The following SPOCK3 variants were observed in gnomAD, a reference collection of about 807,000 sequenced individuals.
SPOCK3 encodes the protein SPARC (osteonectin), cwcv and kazal like domains proteoglycan 3, also known as testican-3.
SPOCK3 carries 30 observed loss-of-function variants against 56.6 expected under a neutral mutation model. The ratio of observed to expected loss-of-function variants is 0.53; its 90% CI spans 0.40 to 0.72. SPOCK3 has a LOEUF of 0.72. Among genes scored for constraint, SPOCK3 ranks in the 30% least tolerant of loss-of-function variants. The pLI, the probability that SPOCK3 is intolerant of heterozygous loss-of-function variation, is 0.00. For synonymous variants in SPOCK3, 196 were observed against 183.3 expected (o/e 1.07, Z -0.56); for missense variants, 527 against 530.0 (o/e 0.99, Z 0.06).
At chr4:167,112,315 G>GTCATTTTTAGAGTATGCATAGT in intron 2 of SPOCK3, among the ~76,000 whole-genome samples, 1 of 152,186 alleles carries the variant, frequency 6.6e-6, no homozygotes. Context: ...CTTCTAAAAT[G>GTCATTTTTAGAGTATGCATAGT]TTACAAGTAT....
At position 167,085,613 on chromosome 4, in the gene SPOCK3, G is replaced by A. The variant is rs111660326; in HGVS notation, c.190-23076C>T. Among the ~76,000 whole-genome samples, 491 of 152,214 alleles carry A rather than the reference G, an allele frequency of 3.2e-3. 4 individuals carry two copies. The highest frequency in any genetic ancestry group is 0.011 in the African/African-American group (472 of 41,554). ...AATCTAGCGTCATGATGGAAGATGT[G>A]TCATAGCCAAAAGAGAAGAGAATCA... On this transcript the variant is annotated intron_variant, in intron 2 of 10. Coordinates refer to ENST00000357545, the MANE Select transcript of SPOCK3 (RefSeq NM_001040159.2).
chr4:167,189,863 T>C (rs1580563003), intron 2 of SPOCK3, among the ~76,000 whole-genome samples: 2 of 145,914 alleles, frequency 1.4e-5, no homozygotes, highest in African/African-American at 5.2e-5. Context: ...TGTATATAAG[T>C]GATATCCTAC....
intron 3 of SPOCK3, among the ~76,000 whole-genome samples, chr4:167,049,108 CTT>C (rs34903732): frequency 2.8e-5 from 4 of 144,016 alleles, no homozygotes; most frequent in Non-Finnish European, 3.0e-5. Context: ...TTTTCTTTTT[CTT>C]TTTTTTTTTT....
Position 167,003,586 on chromosome 4 carries a change from T to A in SPOCK3, c.236-3123A>T, listed in dbSNP as rs561256564. 9.2e-5 allele frequency among the ~76,000 whole-genome samples: 14 copies of A among 152,320 alleles called. 1 individual carries two copies. In the South Asian group the frequency reaches 2.7e-3, roughly 29 times the overall value. On this transcript the variant is annotated intron_variant, in intron 3 of 10. Transcript: ENST00000357545. The stretch of plus-strand genomic sequence containing the variant: ...AATTCATCATCTCCCTCTGTTGTGT[T>A]CTTCTTTCCGTCTTGTTTTCCATTT...
At chr4:166,789,017 A>T (rs1263732601) in intron 7 of SPOCK3, among the ~76,000 whole-genome samples, 2 of 152,106 alleles carry the variant, frequency 1.3e-5, no homozygotes, top group Non-Finnish European at 2.9e-5. Context: ...GCTATAAATA[A>T]GAGATTGTAA....
At chr4:166,784,352 TTTAG>T (rs1740516248) in intron 7 of SPOCK3, among the ~76,000 whole-genome samples, 1 of 152,136 alleles carries the variant, frequency 6.6e-6, no homozygotes, top group African/African-American at 2.4e-5. Flanking sequence ...ATTACGTTAA[TTTAG>T]CTATATATGA....
chr4:167,028,938 G>A (rs557709206), intron 3 of SPOCK3, among the ~76,000 whole-genome samples: 1 of 152,032 alleles, frequency 6.6e-6, no homozygotes, highest in East Asian at 1.9e-4. Flanking sequence ...CTTATTTTAA[G>A]TTCTGGGGTA....
At chr4:166,742,386 A>C (rs1314499723) in intron 8 of SPOCK3, among the ~76,000 whole-genome samples, 1 of 152,132 alleles carries the variant, frequency 6.6e-6, no homozygotes, top group Non-Finnish European at 1.5e-5. Context: ...TAAAAGTATA[A>C]AAGATACTTA....
chr4:167,201,133 C>A lies in SPOCK3; in HGVS notation c.189+32852G>T, dbSNP rs185088260. Among the ~76,000 whole-genome samples, 40 of 151,870 alleles carry A rather than the reference C, an allele frequency of 2.6e-4. 2 individuals carry two copies. In the East Asian group the frequency reaches 6.8e-3, roughly 26 times the overall value. On this transcript the variant is annotated intron_variant, in intron 2 of 10. Transcript: ENST00000357545. ...AAAGAAAAGAGAGATAATTTAAGTT[C>A]TAAGAGAAAAGTCAAGAGAAGAAAA...
At chr4:167,152,855 G>GAGAAAAAA (rs2150419757) in intron 2 of SPOCK3, among the ~76,000 whole-genome samples, 1 of 152,082 alleles carries the variant, frequency 6.6e-6, no homozygotes, top group East Asian at 1.9e-4. Flanking sequence ...CAAATATACT[G>GAGAAAAAA]AGAAAAAAAT....
At chr4:166,749,502 G>A (rs1218731215) in intron 8 of SPOCK3, among the ~76,000 whole-genome samples, 3 of 152,060 alleles carry the variant, frequency 2.0e-5, no homozygotes, top group South Asian at 2.1e-4. Flanking sequence ...TGGGGGGAGC[G>A]GGGAGGGATA....
intron 2 of SPOCK3, among the ~76,000 whole-genome samples, chr4:167,068,446 C>T (rs1756371631): frequency 1.3e-5 from 2 of 151,074 alleles, no homozygotes; most frequent in South Asian, 4.2e-4. Flanking sequence ...ATTTTTATAG[C>T]CAGGAAAACA....
chr4:166,811,840 AT>A (rs1184191418), intron 6 of SPOCK3, among the ~76,000 whole-genome samples: 2 of 151,740 alleles, frequency 1.3e-5, no homozygotes, highest in African/African-American at 2.4e-5. Context: ...AGCTTTTAGT[AT>A]TTTTTTATTA....
At chr4:166,819,399 A>T (rs1744694057) in intron 6 of SPOCK3, among the ~76,000 whole-genome samples, 1 of 152,078 alleles carries the variant, frequency 6.6e-6, no homozygotes, top group African/African-American at 2.4e-5. Flanking sequence ...AAATAAACGT[A>T]AGGTATCAGG....
chr4:167,222,858 T>C (rs1427706584), intron 2 of SPOCK3, among the ~76,000 whole-genome samples: 1 of 127,802 alleles, frequency 7.8e-6, no homozygotes, highest in African/African-American at 3.1e-5. Flanking sequence ...AATATATAAA[T>C]ATATAAACAT....
At chr4:167,134,611 TC>T (rs1408654146) in intron 2 of SPOCK3, among the ~76,000 whole-genome samples, 1 of 152,134 alleles carries the variant, frequency 6.6e-6, no homozygotes, top group African/African-American at 2.4e-5. Context: ...AAAAAGAATT[TC>T]TGCTGGTTTA....
intron 4 of SPOCK3, among the ~76,000 whole-genome samples, chr4:166,977,549 C>A (rs1746095801): frequency 6.6e-6 from 1 of 151,716 alleles, no homozygotes; most frequent in Non-Finnish European, 1.5e-5. Context: ...TGCAGAAATT[C>A]CAGAAATGTT....
chr4:167,149,108 T>C (rs977780868), intron 2 of SPOCK3, among the ~76,000 whole-genome samples: 2 of 152,144 alleles, frequency 1.3e-5, no homozygotes, highest in African/African-American at 4.8e-5. Context: ...CTCTAAGCCA[T>C]GTGACCACAA....
intron 3 of SPOCK3, among the ~76,000 whole-genome samples, chr4:167,030,833 C>T (rs1406589970): frequency 6.6e-6 from 1 of 151,986 alleles, no homozygotes; most frequent in African/African-American, 2.4e-5. Context: ...CTAGCAAGGA[C>T]ACTTTTAATA....
Sources: allele counts gnomAD v4.1 joint callset (sites outside exome capture counted in the v4.1 genomes callset), GRCh38; gene constraint gnomAD v4.1.1; transcripts MANE v1.5; gene names NCBI Gene and HGNC (gene_info 2026-07-23, HGNC 2026-07-21).